CCSER1: variants seen among roughly 807,000 people sequenced by gnomAD.
CCSER1 encodes coiled-coil serine rich protein 1.
A neutral mutation model predicts 82.0 loss-of-function variants in CCSER1; 41 were observed. The ratio of observed to expected loss-of-function variants is 0.50; its 90% CI spans 0.39 to 0.65. The LOEUF (loss-of-function observed/expected upper bound fraction) is 0.65. Among genes scored for constraint, CCSER1 ranks in the 30% least tolerant of loss-of-function variants. The pLI is 0.00. For synonymous variants in CCSER1, 414 were observed against 383.9 expected, an observed-to-expected ratio of 1.08 and a Z score of -0.92; for missense variants, 1,119 against 1,064.2, an observed-to-expected ratio of 1.05 and a Z score of -0.72.
At chr4:90,891,078 T>G (rs999655546) in intron 8 of CCSER1, among the ~76,000 whole-genome samples, 3 of 152,036 alleles carry the variant, frequency 2.0e-5, no homozygotes, top group African/African-American at 7.2e-5. Context: ...GTAAATTAGA[T>G]AATTTCCAAA....
intron 1 of CCSER1, among the ~76,000 whole-genome samples, chr4:90,154,655 T>A (rs1298146887): frequency 1.6e-4 from 24 of 148,068 alleles, no homozygotes; most frequent in Non-Finnish European, 2.8e-4. Flanking sequence ...TGAATGGGAG[T>A]TCACTCATGA....
chr4:90,941,416 G>A (rs1410277460), intron 9 of CCSER1, among the ~76,000 whole-genome samples: 1 of 151,842 alleles, frequency 6.6e-6, no homozygotes, highest in African/African-American at 2.4e-5. Context: ...TGATTTTATT[G>A]TGACACACAT....
At chr4:91,074,343 A>C (rs553962847) in intron 9 of CCSER1, among the ~76,000 whole-genome samples, 1 of 152,352 alleles carries the variant, frequency 6.6e-6, no homozygotes, top group East Asian at 1.9e-4. Flanking sequence ...TGAAATAGTA[A>C]TGAGTCTTTT....
intron 9 of CCSER1, among the ~76,000 whole-genome samples, chr4:91,041,228 A>T (rs1173459747): frequency 1.3e-5 from 2 of 152,098 alleles, no homozygotes; most frequent in African/African-American, 4.8e-5. Flanking sequence ...CCAGGTTCTC[A>T]TCCCTGACTT....
intron 10 of CCSER1, among the ~76,000 whole-genome samples, chr4:91,095,869 A>G (rs1724459633): frequency 6.6e-6 from 1 of 151,970 alleles, no homozygotes; most frequent in African/African-American, 2.4e-5. Flanking sequence ...ATTCTTATGT[A>G]TTCCTGAGGA....
intron 7 of CCSER1, among the ~76,000 whole-genome samples, chr4:90,807,009 G>T (rs754548846): frequency 2.6e-5 from 4 of 151,810 alleles, no homozygotes; most frequent in Non-Finnish European, 5.9e-5. Context: ...GACATATTAT[G>T]CAAGACTTTG....
Position 90,458,275 on chromosome 4 carries a change from C to T in CCSER1, c.1604-9959C>T, listed in dbSNP as rs572994178. 2.1e-4 allele frequency among the ~76,000 whole-genome samples: 32 copies of T among 152,296 alleles called. 1 individual carries two copies. Among genetic ancestry groups the T allele is most frequent in the Non-Finnish European group, 1.0e-4 (7 of 68,022 alleles). The stretch of plus-strand genomic sequence containing the variant: ...GAGTGCACCGCCCCAGCTACACCTC[C>T]CACACTGCAACCAGCATCTTCACAG... On this transcript the variant is annotated intron_variant, in intron 4 of 10. Transcript: ENST00000509176.
At chr4:91,102,303 GGTTA>G (rs779477028) in intron 10 of CCSER1, among the ~76,000 whole-genome samples, 13 of 152,166 alleles carry the variant, frequency 8.5e-5, no homozygotes, top group Admixed American at 2.0e-4. Flanking sequence ...ATCCAGGCTG[GGTTA>G]GTTAAAGAGA....
chr4:91,597,868 T>C (rs1484592710), intron 10 of CCSER1, among the ~76,000 whole-genome samples: 1 of 152,186 alleles, frequency 6.6e-6, no homozygotes, highest in Non-Finnish European at 1.5e-5. Flanking sequence ...GGTGCTAGCT[T>C]GTAATCTTTG....
At chr4:91,022,411 G>A (rs1264070948) in intron 9 of CCSER1, among the ~76,000 whole-genome samples, 1 of 152,046 alleles carries the variant, frequency 6.6e-6, no homozygotes, top group African/African-American at 2.4e-5. Context: ...GTCTACCATT[G>A]TTGGACATTT....
intron 10 of CCSER1, among the ~76,000 whole-genome samples, chr4:91,089,848 C>T (rs1723769441): frequency 1.3e-5 from 2 of 152,088 alleles, no homozygotes; most frequent in Admixed American, 1.3e-4. Context: ...CAACTACTTG[C>T]CCTTGATCAT....
intron 1 of CCSER1, chr4:90,235,046 G>A (rs1252224258): frequency 2.6e-5 from 4 of 151,886 alleles, no homozygotes; most frequent in Admixed American, 6.6e-5. Flanking sequence ...CATCGAGACC[G>A]GGGCTGTGTA....
chr4:90,237,410 T>C (rs1165012837), intron 1 of CCSER1, among the ~76,000 whole-genome samples: 1 of 152,184 alleles, frequency 6.6e-6, no homozygotes, highest in South Asian at 2.1e-4. Flanking sequence ...GTTTTTCTTA[T>C]GCTGTAAACC....
intron 10 of CCSER1, among the ~76,000 whole-genome samples, chr4:91,579,998 T>C (rs531151336): frequency 6.6e-6 from 1 of 151,962 alleles, no homozygotes; most frequent in East Asian, 1.9e-4. Flanking sequence ...GGGATAAATG[T>C]AATAACTTTG....
intron 1 of CCSER1, among the ~76,000 whole-genome samples, chr4:90,186,255 G>T (rs942568276): frequency 6.6e-6 from 1 of 151,942 alleles, no homozygotes; most frequent in Non-Finnish European, 1.5e-5. Flanking sequence ...AAATAAAAGT[G>T]CTTACTGCCA....
At chr4:90,391,444 GTATATATATATATATATATATATATA>G (rs770320334) in intron 3 of CCSER1, among the ~76,000 whole-genome samples, 13 of 37,478 alleles carry the variant, frequency 3.5e-4, no homozygotes, top group Non-Finnish European at 5.3e-4. Context: ...ATATATGGGG[GTATATATATATATATATATATATATA>G]TATATATATA....
intron 10 of CCSER1, among the ~76,000 whole-genome samples, chr4:91,198,011 G>A (rs563598663): frequency 5.3e-5 from 8 of 152,020 alleles, no homozygotes; most frequent in South Asian, 2.1e-4. Context: ...CTAATATTCC[G>A]TAAAGCTTAG....
intron 8 of CCSER1, among the ~76,000 whole-genome samples, chr4:90,823,214 CACACACACACATACAT>C (rs1021895048): frequency 3.3e-5 from 5 of 151,818 alleles, no homozygotes; most frequent in Non-Finnish European, 7.4e-5. Context: ...TTTTAAACTT[CACACACACACATACAT>C]ACACACACAC....
At chr4:91,314,124 C>T (rs566750877) in intron 10 of CCSER1, among the ~76,000 whole-genome samples, 330 of 152,074 alleles carry the variant, frequency 2.2e-3, no homozygotes, top group Admixed American at 4.1e-3. Context: ...TCTGCAGTTT[C>T]TGCCATGTTT....
Sources: gnomAD v4.1 joint callset for allele counts (sites outside exome capture counted in the v4.1 genomes callset) on GRCh38, gnomAD v4.1.1 for gene constraint, MANE v1.5 for transcripts, NCBI Gene and HGNC (gene_info 2026-07-23, HGNC 2026-07-21) for gene names.